Variants in ELOVL5 observed in about 807,000 individuals in gnomAD.
ELOVL5 encodes the protein very long chain fatty acid elongase 5.
Under a neutral mutation model 38.6 loss-of-function variants are expected in ELOVL5, and 8 were observed. The ratio of observed to expected loss-of-function variants is 0.21; its 90% CI spans 0.12 to 0.37. The LOEUF is 0.37. ELOVL5 is among the 10% of genes least tolerant of loss of function. The probability of loss-of-function intolerance (pLI) is 1.00; values close to 1 mark genes in which losing one functional copy is unlikely to be tolerated. For missense variants in ELOVL5, 280 were observed against 367.8 expected (o/e 0.76, Z 1.95); for synonymous variants, 127 against 133.7 (o/e 0.95, Z 0.34).
At chr6:53,323,181 T>C (rs1464048504) in intron 1 of ELOVL5, among the ~76,000 whole-genome samples, 3 of 152,172 alleles carry the variant, frequency 2.0e-5, no homozygotes, top group African/African-American at 7.2e-5. Flanking sequence ...GAAAAATGCA[T>C]CAAACTAGCA....
chr6:53,302,363 C>G (rs1399957437), intron 1 of ELOVL5, among the ~76,000 whole-genome samples: 1 of 152,218 alleles, frequency 6.6e-6, no homozygotes, highest in Admixed American at 6.5e-5. Flanking sequence ...TACAGCAAAT[C>G]AGTCCCCCTC....
chr6:53,269,366 C>CATTTT, intron 7 of ELOVL5, 96 bp from the exon 8 acceptor site: 1 of 962,204 alleles, frequency 1.0e-6, no homozygotes, highest in South Asian at 2.5e-5. Flanking sequence ...GGCCTAGTTT[C>CATTTT]AAGATCAAAT....
intron 1 of ELOVL5, among the ~76,000 whole-genome samples, chr6:53,304,127 T>C: frequency 6.6e-6 from 1 of 152,228 alleles, no homozygotes; most frequent in Non-Finnish European, 1.5e-5. Context: ...CAATCTGTCC[T>C]ATGAGTATAA....
At chr6:53,305,466 G>A (rs1337592315) in intron 1 of ELOVL5, among the ~76,000 whole-genome samples, 1 of 141,298 alleles carries the variant, frequency 7.1e-6, no homozygotes, top group Non-Finnish European at 1.5e-5. Flanking sequence ...CGGGCGGAGG[G>A]GCTCCTCACT....
intron 1 of ELOVL5, among the ~76,000 whole-genome samples, chr6:53,318,008 G>A (rs947560373): frequency 6.6e-6 from 1 of 151,950 alleles, no homozygotes; most frequent in African/African-American, 2.4e-5. Context: ...ATATTTACAA[G>A]GATAATCTCA....
chr6:53,331,536 C>T (rs550229313), intron 1 of ELOVL5, among the ~76,000 whole-genome samples: 1 of 152,248 alleles, frequency 6.6e-6, no homozygotes, highest in East Asian at 1.9e-4. Context: ...AAGATGACCC[C>T]TACTTCACCA....
chr6:53,296,241 C>T (rs1376232533), intron 1 of ELOVL5, among the ~76,000 whole-genome samples: 3 of 152,060 alleles, frequency 2.0e-5, no homozygotes, highest in Non-Finnish European at 2.9e-5. Flanking sequence ...AATCTCATTA[C>T]TTCCCTCAAC....
intron 1 of ELOVL5, among the ~76,000 whole-genome samples, chr6:53,340,864 G>A (rs1769294409): frequency 6.6e-6 from 1 of 152,140 alleles, no homozygotes; most frequent in Non-Finnish European, 1.5e-5. Flanking sequence ...TTCACCCAAG[G>A]GAGATCAGGC....
Position 53,269,078 on chromosome 6 carries a change from T to C in ELOVL5, c.*49A>G. 4 of 1,600,958 alleles carry C rather than the reference T, an allele frequency of 2.5e-6. No homozygotes were observed. Among genetic ancestry groups the C allele is most frequent in the South Asian group, 1.1e-5 (1 of 89,300 alleles). On this transcript the variant is annotated 3_prime_UTR_variant, in exon 8 of 8. Transcript: ENST00000304434. Reference sequence around the variant, plus strand: ...ACGAGCATTGGGGCACAACTCATATTGTGCTTACAATCAGATGACGTGGTT... The same window carrying C: ...ACGAGCATTGGGGCACAACTCATATCGTGCTTACAATCAGATGACGTGGTT...
intron 3 of ELOVL5, among the ~76,000 whole-genome samples, chr6:53,288,389 C>T (rs1235559752): frequency 2.0e-5 from 3 of 152,106 alleles, no homozygotes; most frequent in Non-Finnish European, 2.9e-5. Flanking sequence ...TCTTCTATAA[C>T]CTGGAATTTC....
At chr6:53,317,645 G>A (rs1768109843) in intron 1 of ELOVL5, among the ~76,000 whole-genome samples, 1 of 151,968 alleles carries the variant, frequency 6.6e-6, no homozygotes, top group Non-Finnish European at 1.5e-5. Context: ...GGACTGTTGT[G>A]GGGTCGGGGG....
chr6:53,339,273 C>T (rs140128377), intron 1 of ELOVL5, among the ~76,000 whole-genome samples: 1 of 152,310 alleles, frequency 6.6e-6, no homozygotes. Flanking sequence ...TAAGCCACCC[C>T]ATGAATTTTG....
chr6:53,303,750 G>A (rs997933839), intron 1 of ELOVL5, among the ~76,000 whole-genome samples: 1 of 152,216 alleles, frequency 6.6e-6, no homozygotes, highest in Admixed American at 6.5e-5. Flanking sequence ...CAACACAGAA[G>A]CCTCCACTTC....
rs560664739 is a variant in ELOVL5, at chr6:53,279,035, C to G, written c.247-2779G>C. 2.5e-4 allele frequency among the ~76,000 whole-genome samples: 38 copies of G among 152,292 alleles called. No homozygotes were observed. The South Asian group carries it at 5.2e-3, about 21-fold the overall frequency. ...CCTTCCTTAACCGCTACACAGTAGC[C>G]AAGGGGAAAGAGCATGGGTTTGGGC... On this transcript the variant is annotated intron_variant, in intron 3 of 7. Transcript: ENST00000304434.
Position 53,276,225 on chromosome 6 carries a change from T to G in ELOVL5, c.278A>C (p.Asn93Thr). ...LVTGVWEGKYNFFCQGTRTAG... is the reference protein window; with the variant it reads ...LVTGVWEGKYTFFCQGTRTAG... Reference sequence around the variant, plus strand: ...GGTGCGTGTGCCCTGACAGAAGAAGTTGTATTTGCCTTCCCATACTCCTGT... The same window carrying G: ...GGTGCGTGTGCCCTGACAGAAGAAGGTGTATTTGCCTTCCCATACTCCTGT... Residue 93 changes from asparagine (N) to threonine (T), a missense_variant, in exon 4 of 8, where the codon AAC becomes ACC. Asn to Thr is a moderately conservative substitution (Grantham distance 65). Coordinates refer to ENST00000304434, the MANE Select transcript of ELOVL5 (RefSeq NM_021814.5). The G allele has an allele frequency of 6.2e-7, 1 of 1,613,460 alleles. No homozygotes were observed. Among genetic ancestry groups the G allele is most frequent in the Non-Finnish European group, 8.5e-7 (1 of 1,179,450 alleles).
intron 1 of ELOVL5, among the ~76,000 whole-genome samples, chr6:53,333,127 GGTGTAGAGAACA>G (rs1251622937): frequency 4.6e-5 from 7 of 152,130 alleles, no homozygotes; most frequent in South Asian, 2.1e-4. Context: ...GCAAGAGAAC[GGTGTAGAGAACA>G]GTGTTAAAGA....
intron 1 of ELOVL5, among the ~76,000 whole-genome samples, chr6:53,343,442 A>T (rs373746559): frequency 8.5e-5 from 13 of 152,254 alleles, no homozygotes; most frequent in African/African-American, 3.1e-4. Context: ...CAAACTCCTG[A>T]GCTCAAATGA....
At chr6:53,303,643 A>G (rs1767357733) in intron 1 of ELOVL5, among the ~76,000 whole-genome samples, 2 of 152,212 alleles carry the variant, frequency 1.3e-5, no homozygotes, top group African/African-American at 4.8e-5. Flanking sequence ...ACGGCTGAAG[A>G]AGGCAGAACA....
intron 4 of ELOVL5, 133 bp from the exon 5 acceptor site, chr6:53,275,394 T>C: frequency 2.5e-6 from 2 of 787,326 alleles, no homozygotes; most frequent in South Asian, 1.7e-5. Context: ...GAGCTCTTAA[T>C]GTCCATCAGT....
Sources: gnomAD v4.1 joint callset for allele counts (sites outside exome capture counted in the v4.1 genomes callset) on GRCh38, gnomAD v4.1.1 for gene constraint, MANE v1.5 for transcripts, NCBI Gene and HGNC (gene_info 2026-07-23, HGNC 2026-07-21) for gene names.